Variants in IL17RD observed in about 807,000 individuals in gnomAD.
IL17RD encodes the protein interleukin 17 receptor D, also known as interleukin-17 receptor D.
Under a neutral mutation model 80.5 loss-of-function variants are expected in IL17RD, and 52 were observed. The ratio of observed to expected loss-of-function variants is 0.65; its 90% CI spans 0.52 to 0.81. The LOEUF (loss-of-function observed/expected upper bound fraction) is 0.81. Among genes scored for constraint, IL17RD ranks in the 40% least tolerant of loss-of-function variants. The pLI, the probability that IL17RD is intolerant of heterozygous loss-of-function variation, is 0.00. For missense variants in IL17RD, 1,024 were observed against 955.1 expected (o/e 1.07, Z -0.95); for synonymous variants, 416 against 391.8 (o/e 1.06, Z -0.73).
intron 1 of IL17RD, among the ~76,000 whole-genome samples, chr3:57,148,000 G>A (rs1329833045): frequency 1.4e-5 from 2 of 144,190 alleles, no homozygotes; most frequent in East Asian, 2.0e-4. Context: ...CTTCCTGATC[G>A]AAAGAAGTCA....
intron 1 of IL17RD, among the ~76,000 whole-genome samples, chr3:57,122,054 A>G (rs971136394): frequency 6.6e-6 from 1 of 152,212 alleles, no homozygotes; most frequent in African/African-American, 2.4e-5. Flanking sequence ...TAAATTTCAA[A>G]TCACACCCTG....
chr3:57,110,128 A>C, intron 4 of IL17RD, 65 bp downstream of exon 4: 1 of 1,539,248 alleles, frequency 6.5e-7, no homozygotes, highest in Non-Finnish European at 8.8e-7. Flanking sequence ...CAGACTTTGA[A>C]TACACTATTC....
Position 57,155,898 on chromosome 3 carries a change from A to G in IL17RD, c.126+9263T>C, listed in dbSNP as rs538389220. Among the ~76,000 whole-genome samples, 25 of 152,296 alleles carry G rather than the reference A, an allele frequency of 1.6e-4. No individual in the cohort carries two copies. In the South Asian group the frequency reaches 5.0e-3, roughly 30 times the overall value. On this transcript the variant is annotated intron_variant, in intron 1 of 12. Transcript: ENST00000296318. ...GAGCCACCACTCCTTGCCCAGAGGAACTTTTTATTACAGTTGCTTGACTGA... is the reference window on the plus strand; with the variant it reads ...GAGCCACCACTCCTTGCCCAGAGGAGCTTTTTATTACAGTTGCTTGACTGA...
chr3:57,146,347 A>T (rs548618184), intron 1 of IL17RD, among the ~76,000 whole-genome samples: 1 of 152,362 alleles, frequency 6.6e-6, no homozygotes, highest in East Asian at 1.9e-4. Context: ...ACTTAAAGGC[A>T]CTAAAACATA....
At chr3:57,154,418 T>C (rs2060254100) in intron 1 of IL17RD, among the ~76,000 whole-genome samples, 1 of 151,874 alleles carries the variant, frequency 6.6e-6, no homozygotes, top group South Asian at 2.1e-4. Flanking sequence ...TTCGCTGGCC[T>C]GCTGCCCCCA....
At chr3:57,135,928 G>A (rs538721368) in intron 1 of IL17RD, among the ~76,000 whole-genome samples, 4 of 152,308 alleles carry the variant, frequency 2.6e-5, no homozygotes, top group Non-Finnish European at 4.4e-5. Flanking sequence ...ACGTTGATAC[G>A]CTGGTAGGTT....
chr3:57,103,102 G>C lies in IL17RD; in HGVS notation c.857C>G (p.Ala286Gly), dbSNP rs1706874099. Residue 286 changes from alanine (A) to glycine (G), a missense_variant, in exon 9 of 13, where the codon GCC (alanine) becomes GGC (glycine). Transcript: ENST00000296318. ...TNTTRKVMHYALKPVHSPWAG... is the reference protein window; with the variant it reads ...TNTTRKVMHYGLKPVHSPWAG... ...AAAAAAGCACCTACCTGGCTTTAAG[G>C]CATAATGCATCACTTTTCTTGTTGT... 4 of 1,600,366 alleles carry C rather than the reference G, an allele frequency of 2.5e-6. No homozygotes were observed. Among genetic ancestry groups the C allele is most frequent in the African/African-American group, 2.7e-5 (2 of 74,796 alleles).
At chr3:57,127,233 AATATATAAATATATATATAAAT>A in intron 1 of IL17RD, among the ~76,000 whole-genome samples, 1 of 86,818 alleles carries the variant, frequency 1.2e-5, no homozygotes, top group Middle Eastern at 4.5e-3. Context: ...TATATATAAA[AATATATAAATATATATATAAAT>A]ATATATAAAT....
intron 7 of IL17RD, among the ~76,000 whole-genome samples, chr3:57,105,379 A>T (rs1371469468): frequency 2.6e-5 from 4 of 151,516 alleles, no homozygotes; most frequent in African/African-American, 9.7e-5. Flanking sequence ...TCTACTAAAA[A>T]TACAAAAATT....
intron 8 of IL17RD, 35 bp from the exon 9 acceptor site, chr3:57,103,180 A>G: frequency 1.3e-6 from 2 of 1,510,166 alleles, no homozygotes; most frequent in Non-Finnish European, 1.8e-6. Flanking sequence ...ATTTTTTTTT[A>G]AAGTGATATA....
chr3:57,151,127 A>C (rs1708050317), intron 1 of IL17RD, among the ~76,000 whole-genome samples: 2 of 152,208 alleles, frequency 1.3e-5, no homozygotes, highest in African/African-American at 2.4e-5. Context: ...GCTTTCCTGA[A>C]ATCAGACACT....
intron 1 of IL17RD, among the ~76,000 whole-genome samples, chr3:57,125,963 T>C (rs2107505897): frequency 6.6e-6 from 1 of 152,314 alleles, no homozygotes; most frequent in Admixed American, 6.5e-5. Flanking sequence ...AGAACCTAGC[T>C]TGGTGTTACA....
chr3:57,140,121 C>A (rs890734461), intron 1 of IL17RD, among the ~76,000 whole-genome samples: 3 of 152,162 alleles, frequency 2.0e-5, no homozygotes, highest in Admixed American at 6.5e-5. Flanking sequence ...TCAGAGCTCA[C>A]AATTCTGCCA....
intron 1 of IL17RD, among the ~76,000 whole-genome samples, chr3:57,144,378 A>G (rs977739502): frequency 2.0e-5 from 3 of 151,788 alleles, no homozygotes; most frequent in Non-Finnish European, 4.4e-5. Flanking sequence ...TGTGTCACAG[A>G]CCCTGTGGAG....
intron 1 of IL17RD, among the ~76,000 whole-genome samples, chr3:57,124,104 C>A (rs1376226643): frequency 6.6e-6 from 1 of 152,148 alleles, no homozygotes; most frequent in Admixed American, 6.6e-5. Context: ...CACAGCTTCT[C>A]AGCACATGCA....
intron 1 of IL17RD, chr3:57,150,160 C>T (rs1057424648): frequency 1.3e-5 from 2 of 152,120 alleles, no homozygotes; most frequent in Non-Finnish European, 2.9e-5. Context: ...GGGTGAGGCC[C>T]GGAATCTCCC....
At chr3:57,166,729 TC>T (rs1559491027), upstream of IL17RD, among the ~76,000 whole-genome samples, 1 of 152,230 alleles carries the variant, frequency 6.6e-6, no homozygotes, top group African/African-American at 2.4e-5. Context: ...TGCACAGAAC[TC>T]CCCCCAGCCC....
In IL17RD at chr3:57,106,114, T is replaced by C; in HGVS notation, c.591A>G (p.Lys197=). Residue 197 remains lysine (K), a synonymous_variant, in exon 6 of 13, where the codon AAA becomes AAG. Transcript: ENST00000296318. The stretch of plus-strand genomic sequence containing the variant: ...GATAAGAACACTATTACTTACAGGG[T>C]TTACAAGCTAGATTGTCCGGCTGTA... ...LLLQPDNLAC[K]PFWKPRNLNI... 1.9e-6 allele frequency: 3 copies of C among 1,612,042 alleles called. No individual in the cohort carries two copies. The highest frequency in any genetic ancestry group is 2.5e-6 in the Non-Finnish European group (3 of 1,178,374).
chr3:57,158,188 T>C (rs574073040), intron 1 of IL17RD, among the ~76,000 whole-genome samples: 6 of 152,244 alleles, frequency 3.9e-5, no homozygotes, highest in Admixed American at 1.3e-4. Context: ...CGTTCAAGCA[T>C]GCTTCCCTAC....
Sources: allele counts gnomAD v4.1 joint callset (sites outside exome capture counted in the v4.1 genomes callset), GRCh38; gene constraint gnomAD v4.1.1; transcripts MANE v1.5; gene names NCBI Gene and HGNC (gene_info 2026-07-23, HGNC 2026-07-21).